Variants in GABRB2 observed in about 807,000 individuals in gnomAD.
The protein encoded by GABRB2 is gamma-aminobutyric acid receptor subunit beta-2.
In GABRB2, 16 loss-of-function variants were observed where a neutral mutation model predicts 54.7. The ratio of observed to expected loss-of-function variants is 0.29; its 90% confidence interval spans 0.20 to 0.44. GABRB2 has a LOEUF of 0.44. Among genes scored for constraint, GABRB2 ranks in the 20% least tolerant of loss-of-function variants. The pLI is 1.00. For synonymous variants in GABRB2, 244 were observed against 233.8 expected, an observed-to-expected ratio of 1.04 and a Z score of -0.40; for missense variants, 355 against 644.0, an observed-to-expected ratio of 0.55 and a Z score of 4.86.
chr5:161,333,395 G>T (rs1439040330), intron 7 of GABRB2, among the ~76,000 whole-genome samples: 1 of 152,150 alleles, frequency 6.6e-6, no homozygotes, highest in African/African-American at 2.4e-5. Context: ...TACACACAGG[G>T]GAGGTCTATG....
chr5:161,377,230 G>A (rs1005140789), intron 5 of GABRB2, among the ~76,000 whole-genome samples: 6 of 152,022 alleles, frequency 3.9e-5, no homozygotes, highest in African/African-American at 1.4e-4. Flanking sequence ...TGTGTTTGCA[G>A]GCTGACACTC....
chr5:161,491,739 C>G (rs530332197), intron 3 of GABRB2, among the ~76,000 whole-genome samples: 1 of 151,708 alleles, frequency 6.6e-6, no homozygotes, highest in East Asian at 1.9e-4. Flanking sequence ...CTTGAGAACT[C>G]TATTCCATAT....
chr5:161,484,769 A>G (rs1448153789), intron 3 of GABRB2, among the ~76,000 whole-genome samples: 2 of 151,884 alleles, frequency 1.3e-5, no homozygotes, highest in Non-Finnish European at 2.9e-5. Context: ...GGATTATTAC[A>G]ACTAGTCTCA....
At chr5:161,357,496 C>G (rs1754668434) in intron 5 of GABRB2, among the ~76,000 whole-genome samples, 1 of 138,892 alleles carries the variant, frequency 7.2e-6, no homozygotes, top group South Asian at 2.4e-4. Context: ...AGAGTTTTCA[C>G]TATTATGAGT....
intron 4 of GABRB2, among the ~76,000 whole-genome samples, chr5:161,418,938 G>A (rs1323398509): frequency 6.6e-6 from 1 of 152,106 alleles, no homozygotes; most frequent in African/African-American, 2.4e-5. Flanking sequence ...ACCAGCGGGG[G>A]AAGCATGGCA....
rs1378592821 is a variant in GABRB2 at position 161,289,692 on chromosome 5, C to A, written c.*4389G>T. 2.0e-5 allele frequency: 3 copies of A among 151,934 alleles called. No individual in the cohort carries two copies. The East Asian group carries it at 5.8e-4, about 29-fold the overall frequency. 9.4% of individuals were successfully genotyped at this position (151,934 alleles called of 1,614,324 possible). A position where few individuals can be genotyped will look rare whatever the true frequency, so the allele number is the denominator to read the frequency against. On this transcript the variant is annotated 3_prime_UTR_variant, in exon 10 of 10. Coordinates refer to ENST00000393959, the MANE Select transcript of GABRB2 (RefSeq NM_001371727.1). ...CTTTTCCCAATTGCCATTTCAAAGGCTATCTCTTGTTTGTTATATTGACTA... is the reference window on the plus strand; with the variant it reads ...CTTTTCCCAATTGCCATTTCAAAGGATATCTCTTGTTTGTTATATTGACTA...
intron 5 of GABRB2, among the ~76,000 whole-genome samples, chr5:161,384,038 C>T (rs1425848827): frequency 6.6e-6 from 1 of 152,124 alleles, no homozygotes; most frequent in African/African-American, 2.4e-5. Flanking sequence ...CAGGCATGAG[C>T]CACTACAACT....
chr5:161,396,251 G>A (rs1755998441), intron 5 of GABRB2, among the ~76,000 whole-genome samples: 1 of 152,144 alleles, frequency 6.6e-6, no homozygotes, highest in Admixed American at 6.5e-5. Context: ...ATTCCTTCCA[G>A]GGAGGAGTTA....
chr5:161,301,535 T>C (rs186342073), intron 9 of GABRB2, among the ~76,000 whole-genome samples: 63 of 152,266 alleles, frequency 4.1e-4, no homozygotes, highest in African/African-American at 1.5e-3. Flanking sequence ...TTTATCAAAT[T>C]TTTCTGTCTT....
intron 3 of GABRB2, among the ~76,000 whole-genome samples, chr5:161,510,684 G>T (rs371640272): frequency 2.0e-5 from 3 of 151,988 alleles, no homozygotes; most frequent in African/African-American, 7.2e-5. Context: ...CACCCAGGCT[G>T]TAGTGCAATG....
At chr5:161,441,295 A>C (rs2113209089) in intron 4 of GABRB2, among the ~76,000 whole-genome samples, 1 of 152,362 alleles carries the variant, frequency 6.6e-6, no homozygotes, top group Middle Eastern at 3.4e-3. Context: ...TTGGCTAAAT[A>C]TTTGAATAGA....
intron 5 of GABRB2, among the ~76,000 whole-genome samples, chr5:161,352,411 G>GA (rs1754501389): frequency 6.6e-6 from 1 of 151,952 alleles, no homozygotes; most frequent in South Asian, 2.1e-4. Context: ...GCGACAACAT[G>GA]AATGAACCTA....
At chr5:161,519,014 G>A (rs2113424566) in intron 3 of GABRB2, among the ~76,000 whole-genome samples, 1 of 152,264 alleles carries the variant, frequency 6.6e-6, no homozygotes, top group South Asian at 2.1e-4. Flanking sequence ...GGTTAACAAA[G>A]AACAGTAAGT....
intron 9 of GABRB2, among the ~76,000 whole-genome samples, chr5:161,321,974 G>A (rs1440220213): frequency 6.6e-6 from 1 of 152,052 alleles, no homozygotes; most frequent in Non-Finnish European, 1.5e-5. Flanking sequence ...CTGGCAATTA[G>A]CAGGATTAAT....
chr5:161,518,931 A>G (rs532255259), intron 3 of GABRB2, among the ~76,000 whole-genome samples: 1 of 152,326 alleles, frequency 6.6e-6, no homozygotes, highest in Non-Finnish European at 1.5e-5. Flanking sequence ...TTTTAAAACA[A>G]ATCACTGTAG....
At chr5:161,516,779 A>G (rs777182564) in intron 3 of GABRB2, among the ~76,000 whole-genome samples, 2 of 152,180 alleles carry the variant, frequency 1.3e-5, no homozygotes, top group African/African-American at 2.4e-5. Context: ...TGCTCAATCC[A>G]TGTTCAAACA....
At chr5:161,328,264 AC>A (rs1043172892) in intron 8 of GABRB2, among the ~76,000 whole-genome samples, 1 of 152,212 alleles carries the variant, frequency 6.6e-6, no homozygotes, top group Non-Finnish European at 1.5e-5. Context: ...TATAGAACAC[AC>A]ACGCTAGCAT....
chr5:161,387,233 G>A (rs1210174371), intron 5 of GABRB2, among the ~76,000 whole-genome samples: 2 of 152,020 alleles, frequency 1.3e-5, no homozygotes, highest in Admixed American at 6.6e-5. Context: ...TCTGCACACT[G>A]ATCTTCCTAA....
chr5:161,460,528 T>C (rs898662531), intron 3 of GABRB2, among the ~76,000 whole-genome samples: 5 of 152,234 alleles, frequency 3.3e-5, no homozygotes, highest in Admixed American at 6.5e-5. Context: ...CAAAGTGGAG[T>C]ACACGGGACT....
Sources: allele counts gnomAD v4.1 joint callset (sites outside exome capture counted in the v4.1 genomes callset), GRCh38; gene constraint gnomAD v4.1.1; transcripts MANE v1.5; gene names NCBI Gene and HGNC (gene_info 2026-07-23, HGNC 2026-07-21).